The following RAD54L2 variants were observed in gnomAD, a reference collection of about 807,000 sequenced individuals.
RAD54L2 encodes the protein helicase ARIP4.
Under a neutral mutation model 138.4 loss-of-function variants are expected in RAD54L2, and 27 were observed. That is an observed-to-expected ratio of 0.20 (90% CI 0.14 to 0.27). RAD54L2 has a LOEUF of 0.27. Among genes scored for constraint, RAD54L2 ranks in the 10% least tolerant of loss-of-function variants. The probability of loss-of-function intolerance (pLI) is 1.00; values close to 1 mark genes in which losing one functional copy is unlikely to be tolerated. For missense variants in RAD54L2, 1,396 were observed against 1,890.2 expected, an observed-to-expected ratio of 0.74 and a Z score of 4.85; for synonymous variants, 644 against 723.2, an observed-to-expected ratio of 0.89 and a Z score of 1.76.
rs1305150730 is a variant in RAD54L2, at chr3:51,634,039, G to C, written c.1142+4G>C. Reference sequence around the variant, plus strand: ...ACATCTTGAATGATGAGCACAAGTAGGTGGCCTGCCCTTTCCTCTCTGCCC... The same window carrying C: ...ACATCTTGAATGATGAGCACAAGTACGTGGCCTGCCCTTTCCTCTCTGCCC... On this transcript the variant is annotated splice_donor_region_variant and intron_variant, in intron 9 of 22. Coordinates refer to ENST00000684192, the MANE Select transcript of RAD54L2 (RefSeq NM_015106.4). 1 of 1,612,458 alleles carries C rather than the reference G, an allele frequency of 6.2e-7. No individual in the cohort carries two copies. The highest frequency in any genetic ancestry group is 1.3e-5 in the African/African-American group (1 of 74,858).
intron 7 of RAD54L2, 140 bp from the exon 8 acceptor site, chr3:51,633,434 AGGG>A: frequency 1.3e-6 from 1 of 778,624 alleles, no homozygotes; most frequent in Admixed American, 2.8e-5. Context: ...GTCAAGGTAC[AGGG>A]AATCTTCTAT....
At chr3:51,591,329 G>T (rs1352126494) in intron 3 of RAD54L2, among the ~76,000 whole-genome samples, 1 of 152,194 alleles carries the variant, frequency 6.6e-6, no homozygotes, top group Non-Finnish European at 1.5e-5. Context: ...ACTGACTGAG[G>T]AATAGGGTTT....
chr3:51,662,784 A>T lies in RAD54L2; in HGVS notation c.3768A>T (p.Arg1256=). The T allele has an allele frequency of 6.2e-7, 1 of 1,610,974 alleles. No homozygotes were observed. Among genetic ancestry groups the T allele is most frequent in the Non-Finnish European group, 8.5e-7 (1 of 1,178,610 alleles). The part of the protein sequence containing the change: ...HPVLDLRGHK[R]KLATPPAAQE... ...TGCTGGACTTAAGGGGCCACAAGCG[A>T]AAGTTGGCCACACCACCTGCTGCCC... The change falls in exon 23 of 23, where the codon CGA becomes CGT. Residue 1256 remains arginine (R), a synonymous_variant. Transcript: ENST00000684192. The surrounding 1 kb of genome is among the most constrained non-coding windows in gnomAD (Gnocchi z 4.6).
rs1229590440 is a variant in RAD54L2, at chr3:51,637,132, T to A, written c.1340-29T>A. 1 of 1,548,678 alleles carries A rather than the reference T, an allele frequency of 6.5e-7. No individual in the cohort carries two copies. The highest frequency in any genetic ancestry group is 8.7e-7 in the Non-Finnish European group (1 of 1,142,870). On this transcript the variant is annotated intron_variant, in intron 10 of 22. Transcript: ENST00000684192. This position sits in a 1 kb window ranked among gnomAD's most constrained non-coding sequence, Gnocchi z 5.9. ...TGACTAAGAGCAGGCCCTGTCACCC[T>A]CTGACTCCGGATCCTCTTCCCTCCC...
At chr3:51,577,681 G>T (rs1323946416) in intron 2 of RAD54L2, among the ~76,000 whole-genome samples, 6 of 151,710 alleles carry the variant, frequency 4.0e-5, no homozygotes, top group Non-Finnish European at 5.9e-5. Context: ...TGCTTTTTTT[G>T]GTTTTCCATT....
chr3:51,636,488 G>A (rs1324743077), intron 10 of RAD54L2, among the ~76,000 whole-genome samples: 1 of 152,204 alleles, frequency 6.6e-6, no homozygotes, highest in Non-Finnish European at 1.5e-5. Context: ...GCTGGCAATG[G>A]TGAGAGCCTA....
At chr3:51,596,034 TCCTCCCACCTTAG>T (rs1009422330) in intron 3 of RAD54L2, among the ~76,000 whole-genome samples, 2 of 128,458 alleles carry the variant, frequency 1.6e-5, no homozygotes. Flanking sequence ...GGTCAGGTGG[TCCTCCCACCTTAG>T]CCTCCCAGGT....
chr3:51,561,306 T>C (rs776274625), intron 2 of RAD54L2, among the ~76,000 whole-genome samples: 1 of 152,212 alleles, frequency 6.6e-6, no homozygotes, highest in African/African-American at 2.4e-5. Context: ...AGTGCAGAAA[T>C]GTGATCTCGG....
rs1474658652 is a variant in RAD54L2 at position 51,621,665 on chromosome 3, T to C, written c.140-5888T>C. Among the ~76,000 whole-genome samples the C allele has an allele frequency of 2.0e-5, 3 of 152,230 alleles. 1 individual carries two copies. Among genetic ancestry groups the C allele is most frequent in the Admixed American group, 6.5e-5 (1 of 15,268 alleles). On this transcript the variant is annotated intron_variant, in intron 3 of 22. Coordinates refer to ENST00000684192, the MANE Select transcript of RAD54L2 (RefSeq NM_015106.4). ...GTTCTCTGACTCTGTCCTATCTGCC[T>C]ACTCTCTAATCTTGCCTCCAACTGT... is the stretch of plus-strand genomic sequence containing the variant.
chr3:51,635,481 A>G (rs1700962770), intron 9 of RAD54L2, 112 bp from the exon 10 acceptor site: 4 of 1,187,352 alleles, frequency 3.4e-6, no homozygotes, highest in Non-Finnish European at 4.6e-6. Flanking sequence ...GAAGTTCTGA[A>G]TGTACATCAA....
At chr3:51,598,055 G>A (rs754930796) in intron 3 of RAD54L2, among the ~76,000 whole-genome samples, 1 of 150,286 alleles carries the variant, frequency 6.7e-6, no homozygotes, top group Non-Finnish European at 1.5e-5. Context: ...GTGAGAGAGA[G>A]AATGAGAAAG....
At chr3:51,620,258 ATT>A (rs34861378) in intron 3 of RAD54L2, among the ~76,000 whole-genome samples, 4 of 123,472 alleles carry the variant, frequency 3.2e-5, no homozygotes, top group Admixed American at 9.0e-5. Flanking sequence ...TGCTCAGCTA[ATT>A]TTTTTTTTTT....
chr3:51,588,765 T>A (rs1225864227), intron 2 of RAD54L2, among the ~76,000 whole-genome samples: 1 of 152,104 alleles, frequency 6.6e-6, no homozygotes, highest in Non-Finnish European at 1.5e-5. Context: ...GCCTGACACA[T>A]GATAGACATA....
At position 51,591,973 on chromosome 3, in the gene RAD54L2, TTAC is replaced by T. The variant is rs145312160; in HGVS notation, c.139+1417_139+1419del. On this transcript the variant is annotated intron_variant, in intron 3 of 22. Coordinates refer to ENST00000684192, the MANE Select transcript of RAD54L2 (RefSeq NM_015106.4). ...ATTATATGATATGCTTCTGCGGACT[TTAC>T]TATTATTTATTTAGAAATGACAAGA... Among the ~76,000 whole-genome samples, 416 of 152,156 alleles carry T rather than the reference TTAC, an allele frequency of 2.7e-3. 2 individuals are homozygous for T. Among genetic ancestry groups the T allele is most frequent in the African/African-American group, 9.7e-3 (401 of 41,524 alleles).
chr3:51,652,838 C>G (rs181357541), intron 19 of RAD54L2, among the ~76,000 whole-genome samples: 1 of 152,264 alleles, frequency 6.6e-6, no homozygotes, highest in East Asian at 1.9e-4. Context: ...AGATGAAAAC[C>G]TAGGCAATAC....
At chr3:51,626,737 G>A (rs1039201544) in intron 3 of RAD54L2, among the ~76,000 whole-genome samples, 1 of 151,812 alleles carries the variant, frequency 6.6e-6, no homozygotes, top group South Asian at 2.1e-4. Context: ...GAGCCACCGC[G>A]CCCAGCCCCC....
intron 3 of RAD54L2, among the ~76,000 whole-genome samples, chr3:51,606,505 C>G (rs1433860874): frequency 6.6e-6 from 1 of 152,048 alleles, no homozygotes; most frequent in Non-Finnish European, 1.5e-5. Context: ...AGCCACTGCT[C>G]TAAAAATGCT....
At chr3:51,607,346 A>C (rs1482761303) in intron 3 of RAD54L2, among the ~76,000 whole-genome samples, 1 of 152,074 alleles carries the variant, frequency 6.6e-6, no homozygotes, top group Non-Finnish European at 1.5e-5. Context: ...CTGTTTAACA[A>C]AGCACATCTT....
At chr3:51,631,053 T>G (rs1447141657) in intron 7 of RAD54L2, 122 bp downstream of exon 7, 3 of 998,256 alleles carry the variant, frequency 3.0e-6, no homozygotes, top group African/African-American at 3.2e-5. Flanking sequence ...GAGCAGCTTG[T>G]TCAGCTGTTG....
Sources: allele counts gnomAD v4.1 joint callset (sites outside exome capture counted in the v4.1 genomes callset), GRCh38; gene constraint gnomAD v4.1.1; non-coding constraint Gnocchi (gnomAD v3.1); transcripts MANE v1.5; gene names NCBI Gene and HGNC (gene_info 2026-07-23, HGNC 2026-07-21).